The following LRRC4C variants were observed in gnomAD, a reference collection of about 807,000 sequenced individuals.
LRRC4C encodes the protein leucine-rich repeat-containing protein 4C.
A neutral mutation model predicts 33.6 loss-of-function variants in LRRC4C; 5 were observed. That is an observed-to-expected ratio of 0.15 (90% CI 0.08 to 0.31). The LOEUF (loss-of-function observed/expected upper bound fraction) is 0.31. Among genes scored for constraint, LRRC4C ranks in the 10% least tolerant of loss-of-function variants. LRRC4C has a pLI of 1.00. For synonymous variants in LRRC4C, 329 were observed against 302.0 expected, an observed-to-expected ratio of 1.09 and a Z score of -0.93; for missense variants, 560 against 796.7, an observed-to-expected ratio of 0.70 and a Z score of 3.58.
chr11:40,753,818 G>A (rs1948811912), intron 2 of LRRC4C, among the ~76,000 whole-genome samples: 1 of 151,808 alleles, frequency 6.6e-6, no homozygotes, highest in Non-Finnish European at 1.5e-5. Flanking sequence ...CAAATGACCA[G>A]CAGGTATATG....
chr11:40,663,761 G>T (rs1490179243), intron 2 of LRRC4C, among the ~76,000 whole-genome samples: 1 of 152,020 alleles, frequency 6.6e-6, no homozygotes, highest in Non-Finnish European at 1.5e-5. Flanking sequence ...ACAATACTAT[G>T]GTCTCAAAAT....
chr11:40,969,797 A>C (rs553941845), intron 1 of LRRC4C, among the ~76,000 whole-genome samples: 2 of 152,348 alleles, frequency 1.3e-5, no homozygotes, highest in East Asian at 3.9e-4. Flanking sequence ...CATTATTGCA[A>C]TATTTGCTTT....
chr11:40,481,890 T>C (rs1307536054), intron 3 of LRRC4C, among the ~76,000 whole-genome samples: 1 of 152,194 alleles, frequency 6.6e-6, no homozygotes, highest in African/African-American at 2.4e-5. Context: ...GCTATTTCAT[T>C]ATTGGTGTAC....
intron 1 of LRRC4C, among the ~76,000 whole-genome samples, chr11:41,009,448 A>T (rs1464893795): frequency 2.0e-5 from 3 of 152,142 alleles, no homozygotes; most frequent in Non-Finnish European, 4.4e-5. Context: ...TTGTTCGAAG[A>T]AAACAAAATT....
intron 3 of LRRC4C, among the ~76,000 whole-genome samples, chr11:40,404,865 A>T (rs1290828548): frequency 6.7e-6 from 1 of 149,678 alleles, no homozygotes; most frequent in Non-Finnish European, 1.5e-5. Flanking sequence ...TATATGATAT[A>T]TATATAATAA....
intron 4 of LRRC4C, among the ~76,000 whole-genome samples, chr11:40,295,829 A>G (rs958180984): frequency 6.6e-6 from 1 of 152,194 alleles, no homozygotes; most frequent in Non-Finnish European, 1.5e-5. Flanking sequence ...TGCTGTATTG[A>G]TTGATTCAAA....
chr11:41,097,997 T>TA (rs149388087), intron 1 of LRRC4C, among the ~76,000 whole-genome samples: 11,817 of 151,870 alleles, frequency 0.078, 651 homozygotes, highest in African/African-American at 0.15. Flanking sequence ...ATATTTCCAT[T>TA]AAAAAAAATT....
intron 2 of LRRC4C, among the ~76,000 whole-genome samples, chr11:40,707,817 T>A (rs1002523840): frequency 4.6e-4 from 70 of 152,336 alleles, no homozygotes; most frequent in Non-Finnish European, 7.3e-4. Context: ...CTGGTATAAT[T>A]CGGCTGTGAA....
chr11:40,116,737 G>A (rs1301915971), intron 6 of LRRC4C, among the ~76,000 whole-genome samples: 2 of 152,314 alleles, frequency 1.3e-5, no homozygotes, highest in Middle Eastern at 3.4e-3. Flanking sequence ...CTTTGCAAAA[G>A]TAGTAATAGC....
chr11:41,348,573 G>A (rs1440259396), intron 1 of LRRC4C, among the ~76,000 whole-genome samples: 1 of 151,546 alleles, frequency 6.6e-6, no homozygotes, highest in African/African-American at 2.4e-5. Context: ...ACTAGATACA[G>A]CCAGGAAGAG....
chr11:41,425,916 A>AT (rs1189002050), intron 1 of LRRC4C, among the ~76,000 whole-genome samples: 2 of 152,034 alleles, frequency 1.3e-5, no homozygotes, highest in Non-Finnish European at 2.9e-5. Flanking sequence ...ATAGAGCCCA[A>AT]TTTTTTTCCA....
At chr11:40,570,322 G>A (rs956280706) in intron 3 of LRRC4C, among the ~76,000 whole-genome samples, 1 of 152,108 alleles carries the variant, frequency 6.6e-6, no homozygotes, top group African/African-American at 2.4e-5. Context: ...TCTCAGAGTG[G>A]CAAGAGCTAG....
chr11:40,281,488 C>A (rs1943472356), intron 4 of LRRC4C, among the ~76,000 whole-genome samples: 1 of 152,146 alleles, frequency 6.6e-6, no homozygotes, highest in South Asian at 2.1e-4. Flanking sequence ...TAAAAATCGG[C>A]ACACTCTGAG....
chr11:41,392,966 C>T (rs76541163), intron 1 of LRRC4C, among the ~76,000 whole-genome samples: 9,531 of 151,866 alleles, frequency 0.063, 353 homozygotes, highest in Middle Eastern at 0.14. Context: ...AATCCTCTGG[C>T]ATAAAGCATT....
intron 3 of LRRC4C, among the ~76,000 whole-genome samples, chr11:40,407,500 A>G (rs927871377): frequency 5.3e-5 from 8 of 152,236 alleles, no homozygotes; most frequent in Admixed American, 2.0e-4. Flanking sequence ...CCTGAAAGTC[A>G]TCAGTTTAAT....
At chr11:40,268,513 A>G (rs1942451466) in intron 4 of LRRC4C, among the ~76,000 whole-genome samples, 1 of 152,162 alleles carries the variant, frequency 6.6e-6, no homozygotes, top group African/African-American at 2.4e-5. Context: ...AATTTATATT[A>G]CTGTCAATGG....
At chr11:40,801,364 G>T (rs1044552191) in intron 2 of LRRC4C, among the ~76,000 whole-genome samples, 1 of 152,148 alleles carries the variant, frequency 6.6e-6, no homozygotes, top group Admixed American at 6.6e-5. Context: ...CCTTCTATAT[G>T]AAACCTTTTC....
In LRRC4C at chr11:40,886,933, C is replaced by T. The variant is rs984113337; in HGVS notation, c.-407+46702G>A. 1.7e-4 allele frequency among the ~76,000 whole-genome samples: 25 copies of T among 144,342 alleles called. No individual in the cohort carries two copies. In the East Asian group the frequency reaches 4.5e-3, roughly 26 times the overall value. 94.7% of individuals were successfully genotyped at this position (144,342 alleles called of 152,430 possible). A position where few individuals can be genotyped will look rare whatever the true frequency, so the allele number is the denominator to read the frequency against. On this transcript the variant is annotated intron_variant, in intron 2 of 6. Transcript: ENST00000528697. ...CACACAGCAAATATTTATATATATA[C>T]GTGTACGTATATATACACGTGTGTG...
chr11:41,418,008 A>G (rs1565657505), intron 1 of LRRC4C, among the ~76,000 whole-genome samples: 1 of 151,200 alleles, frequency 6.6e-6, no homozygotes, highest in East Asian at 1.9e-4. Flanking sequence ...ACACACATAG[A>G]CCCCCCCACA....
Sources: gnomAD v4.1 joint callset for allele counts (sites outside exome capture counted in the v4.1 genomes callset) on GRCh38, gnomAD v4.1.1 for gene constraint, MANE v1.5 for transcripts, NCBI Gene and HGNC (gene_info 2026-07-23, HGNC 2026-07-21) for gene names.